The following DIO1 variants were observed in gnomAD, a reference collection of about 807,000 sequenced individuals.
The protein encoded by DIO1 is type I iodothyronine deiodinase.
In DIO1, 17 loss-of-function variants were observed where a neutral mutation model predicts 25.9. The ratio of observed to expected loss-of-function variants is 0.66; its 90% CI spans 0.45 to 0.98. The LOEUF is 0.98. Ranked by LOEUF, DIO1 falls within the 50% of genes least tolerant of loss-of-function variation. The pLI is 0.00. For synonymous variants in DIO1, 115 were observed against 114.0 expected (o/e 1.01, Z -0.05); for missense variants, 270 against 310.4 (o/e 0.87, Z 0.98).
chr1:53,906,026 G>T, intron 2 of DIO1, 69 bp from the exon 3 acceptor site: 3 of 1,456,920 alleles, frequency 2.1e-6, no homozygotes, highest in Admixed American at 3.6e-5. Flanking sequence ...TTAAAAGTGA[G>T]GGGCTATTTA....
chr1:53,895,428 T>A (rs6695918), intron 1 of DIO1, among the ~76,000 whole-genome samples: 92,388 of 151,898 alleles, frequency 0.61, 28,670 homozygotes, highest in East Asian at 0.84. Flanking sequence ...GTCACAAATT[T>A]AAAAAAGTCT....
At position 53,906,262 on chromosome 1, in the gene DIO1, T is replaced by C. The variant is rs779527805; in HGVS notation, c.649T>C (p.Tyr217His). ...CTACGCAGCACTGCCTGAGAGGCTC[T>C]ACATAATCCAGGAGGGCAGGATCCT... ...QLYAALPERL[Y>H]IIQEGRILYK... The change falls in exon 3 of 4, where the codon TAC (tyrosine) becomes CAC (histidine). Residue 217 changes from tyrosine (Y) to histidine (H), a missense_variant. Tyr to His is a moderately conservative substitution (Grantham distance 83, BLOSUM62 2). Coordinates refer to ENST00000361921, the MANE Select transcript of DIO1 (RefSeq NM_000792.7). 1 of 1,613,744 alleles carries C rather than the reference T, an allele frequency of 6.2e-7. No homozygotes were observed. The highest frequency in any genetic ancestry group is 8.5e-7 in the Non-Finnish European group (1 of 1,179,850).
chr1:53,906,926 T>C (rs1483316223), intron 3 of DIO1, among the ~76,000 whole-genome samples: 2 of 152,228 alleles, frequency 1.3e-5, no homozygotes, highest in Admixed American at 1.3e-4. Flanking sequence ...AGTGTTGGGA[T>C]AACAGGCGTG....
At chr1:53,898,744 CA>C (rs60469690) in intron 1 of DIO1, among the ~76,000 whole-genome samples, 185 of 106,596 alleles carry the variant, frequency 1.7e-3, no homozygotes, top group South Asian at 0.012. Flanking sequence ...GACTCTGTCT[CA>C]AAAAAAAAAA....
chr1:53,904,820 A>G lies in DIO1; in HGVS notation c.481+11A>G, dbSNP rs776034416. 2.5e-6 allele frequency: 4 copies of G among 1,606,576 alleles called. No individual in the cohort carries two copies. In the East Asian group the frequency reaches 9.0e-5, roughly 36 times the overall value. On this transcript the variant is annotated intron_variant, in intron 2 of 3. Transcript: ENST00000361921. ...AAGCACATGCATCAGGTACAGAAAG[A>G]TTCTCTGCCTCTTCTACCTCTTCCC...
At position 53,906,189 on chromosome 1, in the gene DIO1, C is replaced by T; in HGVS notation, c.576C>T (p.Pro192=). 6.2e-7 allele frequency: 1 copy of T among 1,614,194 alleles called. No homozygotes were observed. Among genetic ancestry groups the T allele is most frequent in the South Asian group, 1.1e-5 (1 of 91,082 alleles). Residue 192 remains proline (P), a synonymous_variant, in exon 3 of 4, where the codon CCC becomes CCT. Coordinates refer to ENST00000361921, the MANE Select transcript of DIO1 (RefSeq NM_000792.7). ...QAAHLLLARS[P]QCPVVVDTMQ... ...CCCATCTACTGCTGGCCAGGAGCCC[C>T]CAGTGCCCTGTGGTGGTGGACACCA... is the stretch of plus-strand genomic sequence containing the variant.
intron 1 of DIO1, among the ~76,000 whole-genome samples, chr1:53,899,074 C>CCACA (rs1329339721): frequency 6.6e-6 from 1 of 152,134 alleles, no homozygotes; most frequent in East Asian, 1.9e-4. Flanking sequence ...CTCTGTGCGT[C>CCACA]CACACACGCA....
At position 53,894,479 on chromosome 1, in the gene DIO1, G is replaced by A. The variant is rs749292408; in HGVS notation, c.269G>A (p.Gly90Asp). The A allele has an allele frequency of 2.5e-6, 4 of 1,614,212 alleles. No individual in the cohort carries two copies. The highest frequency in any genetic ancestry group is 1.7e-5 in the Admixed American group (1 of 60,030). Residue 90 changes from glycine to aspartate, a missense_variant, in exon 1 of 4, where the codon GGT (glycine) becomes GAT (aspartate). By Grantham distance (94) the Gly-to-Asp change is moderately conservative. Transcript: ENST00000361921. The surrounding 1 kb of genome is among the most constrained non-coding windows in gnomAD (Gnocchi z 4.9). The part of the protein sequence containing the change: ...QRLEDTTELG[G>D]LAPNCPVVRL... ...CTAGAGGACACGACTGAGCTAGGGG[G>A]TCTGGCCCCAAACTGCCCGGTGGTC...
chr1:53,908,806 T>A (rs1651789454), intron 3 of DIO1, among the ~76,000 whole-genome samples: 1 of 152,136 alleles, frequency 6.6e-6, no homozygotes, highest in African/African-American at 2.4e-5. Flanking sequence ...ATCGGACCTG[T>A]ACTTAGAACG....
chr1:53,908,863 G>A (rs542326604), intron 3 of DIO1, among the ~76,000 whole-genome samples: 64 of 152,174 alleles, frequency 4.2e-4, no homozygotes, highest in Non-Finnish European at 7.1e-4. Context: ...AGGCTGAGCC[G>A]GGCAGATCAC....
chr1:53,898,077 C>T (rs34684081), intron 1 of DIO1, among the ~76,000 whole-genome samples: 4,955 of 152,170 alleles, frequency 0.033, 140 homozygotes, highest in East Asian at 0.12. Flanking sequence ...AAGCAGAGGG[C>T]ACTGGGGGCA....
intron 1 of DIO1, among the ~76,000 whole-genome samples, chr1:53,903,830 G>C (rs1395637797): frequency 2.0e-5 from 3 of 151,820 alleles, no homozygotes; most frequent in Non-Finnish European, 4.4e-5. Flanking sequence ...GCCTGGGTGA[G>C]ACTCCATCTC....
In DIO1 at chr1:53,910,643, C is replaced by A. The variant is rs1651901687; in HGVS notation, c.*644C>A. The A allele has an allele frequency of 6.5e-6, 1 of 152,834 alleles. No homozygotes were observed. The highest frequency in any genetic ancestry group is 2.1e-4 in the South Asian group (1 of 4,856). 9.5% of individuals were successfully genotyped at this position (152,834 alleles called of 1,614,324 possible). A position where few individuals can be genotyped will look rare whatever the true frequency, so the allele number is the denominator to read the frequency against. On this transcript the variant is annotated 3_prime_UTR_variant, in exon 4 of 4. Transcript: ENST00000361921. ...TGGGTGAGTTTCCATGGTAACACATCCCTAATTTTACCAGGGAAGAGGAGA... is the reference window on the plus strand; with the variant it reads ...TGGGTGAGTTTCCATGGTAACACATACCTAATTTTACCAGGGAAGAGGAGA...
At position 53,904,689 on chromosome 1, in the gene DIO1, T is replaced by C; in HGVS notation, c.361T>C (p.Phe121Leu). The C allele has an allele frequency of 6.2e-7, 1 of 1,613,676 alleles. No individual in the cohort carries two copies. The highest frequency in any genetic ancestry group is 8.5e-7 in the Non-Finnish European group (1 of 1,179,794). Residue 121 changes from phenylalanine (F) to leucine (L), a missense_variant, in exon 2 of 4, where the codon TTT (phenylalanine) becomes CTT (leucine). Physicochemically the swap from Phe to Leu is conservative, Grantham distance 22. Coordinates refer to ENST00000361921, the MANE Select transcript of DIO1 (RefSeq NM_000792.7). ...AGGTAATAGGCCACTGGTGCTGAAT[T>C]TTGGAAGTTGTACCTGACCTTCATT... ...MQGNRPLVLNFGSCTUPSFMF... is the reference protein window; with the variant it reads ...MQGNRPLVLNLGSCTUPSFMF...
intron 1 of DIO1, among the ~76,000 whole-genome samples, chr1:53,895,667 G>A (rs906669791): frequency 6.6e-6 from 1 of 152,124 alleles, no homozygotes; most frequent in African/African-American, 2.4e-5. Flanking sequence ...GCTCCCCTCT[G>A]CATTTAGGAT....
chr1:53,909,191 AG>A (rs1175124735), intron 3 of DIO1, among the ~76,000 whole-genome samples: 2 of 151,748 alleles, frequency 1.3e-5, no homozygotes, highest in African/African-American at 4.8e-5. Context: ...CAAGGCGGGC[AG>A]GTCACTTGAG....
chr1:53,909,222 C>T (rs761181741), intron 3 of DIO1, among the ~76,000 whole-genome samples: 4 of 151,568 alleles, frequency 2.6e-5, no homozygotes, highest in Admixed American at 6.6e-5. Context: ...TCGAGACCAG[C>T]CTAGCCCACG....
At position 53,906,285 on chromosome 1, in the gene DIO1, C is replaced by A; in HGVS notation, c.672C>A (p.Ile224=). 1 of 1,612,144 alleles carries A rather than the reference C, an allele frequency of 6.2e-7. No individual in the cohort carries two copies. Among genetic ancestry groups the A allele is most frequent in the South Asian group, 1.1e-5 (1 of 90,870 alleles). ...ERLYIIQEGR[I]LYKGKSGPWN... ...TCTACATAATCCAGGAGGGCAGGAT[C>A]CTCTACAAGGTGGTGACCTGGGGAC... is the stretch of plus-strand genomic sequence containing the variant. Residue 224 remains isoleucine, a synonymous_variant, in exon 3 of 4, where the codon ATC becomes ATA. Transcript: ENST00000361921.
chr1:53,910,631 A>T lies in DIO1; in HGVS notation c.*632A>T, dbSNP rs890724197. 6.5e-6 allele frequency: 1 copy of T among 153,026 alleles called. No homozygotes were observed. The highest frequency in any genetic ancestry group is 2.4e-5 in the African/African-American group (1 of 41,460). The allele number at this position is 153,026 out of a possible 1,614,324, so 9.5% of individuals were successfully genotyped here. A position where few individuals can be genotyped will look rare whatever the true frequency, so the allele number is the denominator to read the frequency against. On this transcript the variant is annotated 3_prime_UTR_variant, in exon 4 of 4. Transcript: ENST00000361921. ...TGGTGGTGATGATGGGTGAGTTTCCATGGTAACACATCCCTAATTTTACCA... is the reference window on the plus strand; with the variant it reads ...TGGTGGTGATGATGGGTGAGTTTCCTTGGTAACACATCCCTAATTTTACCA...
Sources: allele counts gnomAD v4.1 joint callset (sites outside exome capture counted in the v4.1 genomes callset), GRCh38; gene constraint gnomAD v4.1.1; non-coding constraint Gnocchi (gnomAD v3.1); transcripts MANE v1.5; gene names NCBI Gene and HGNC (gene_info 2026-07-23, HGNC 2026-07-21).